Variants in CEP41 observed in about 807,000 individuals in gnomAD.
CEP41 encodes the protein centrosomal protein of 41 kDa.
CEP41 carries 32 observed loss-of-function variants against 44.3 expected under a neutral mutation model. The ratio of observed to expected loss-of-function variants is 0.72; its 90% CI spans 0.54 to 0.97. CEP41 has a LOEUF of 0.97. Ranked by LOEUF, CEP41 falls within the 50% of genes least tolerant of loss-of-function variation. The probability of loss-of-function intolerance (pLI) is 0.00; values close to 1 mark genes in which losing one functional copy is unlikely to be tolerated. For missense variants in CEP41, 432 were observed against 455.2 expected (o/e 0.95, Z 0.46); for synonymous variants, 151 against 168.5 (o/e 0.90, Z 0.80).
chr7:130,412,594 C>T (rs1797216994), intron 3 of CEP41, among the ~76,000 whole-genome samples: 1 of 152,198 alleles, frequency 6.6e-6, no homozygotes, highest in South Asian at 2.1e-4. Context: ...AAATCCTTTT[C>T]AGAGTAAAGC....
intron 1 of CEP41, among the ~76,000 whole-genome samples, chr7:130,437,746 G>A (rs1261331743): frequency 3.3e-5 from 3 of 90,896 alleles, no homozygotes; most frequent in Non-Finnish European, 6.0e-5. Flanking sequence ...CAGCCTGGGT[G>A]ACAAAGCAAG....
At chr7:130,410,739 C>T (rs1262077008) in intron 5 of CEP41, 4 of 267,928 alleles carry the variant, frequency 1.5e-5, no homozygotes, top group African/African-American at 8.8e-5. Flanking sequence ...CCACCCAACA[C>T]ACATACATGT....
chr7:130,436,615 T>C (rs529851453), intron 1 of CEP41, among the ~76,000 whole-genome samples: 39 of 150,526 alleles, frequency 2.6e-4, no homozygotes, highest in Admixed American at 2.3e-3. Flanking sequence ...GGAAAATGGG[T>C]GAAGGATACA....
At chr7:130,436,643 A>AT (rs71527964) in intron 1 of CEP41, among the ~76,000 whole-genome samples, 188 of 114,564 alleles carry the variant, frequency 1.6e-3, no homozygotes, top group African/African-American at 3.1e-3. Context: ...TCTTTGTACT[A>AT]TTTTTTTTTT....
At chr7:130,429,801 T>G (rs1250139688) in intron 1 of CEP41, among the ~76,000 whole-genome samples, 1 of 152,210 alleles carries the variant, frequency 6.6e-6, no homozygotes, top group Non-Finnish European at 1.5e-5. Flanking sequence ...CTCCATTGTT[T>G]AAACCTCAAT....
chr7:130,419,467 G>C (rs1420071635), intron 2 of CEP41: 13 of 984,364 alleles, frequency 1.3e-5, no homozygotes, highest in Non-Finnish European at 1.6e-5. Flanking sequence ...GATAGTTTCT[G>C]ACTACCTTTT....
rs1554414246 is a variant in CEP41 at position 130,395,832 on chromosome 7, A to T, written c.*3059T>A. On this transcript the variant is annotated 3_prime_UTR_variant, in exon 11 of 11. Coordinates refer to ENST00000223208, the MANE Select transcript of CEP41 (RefSeq NM_018718.3). ...ATTTGGTCTCTTTTCATTCGGATTT[A>T]TACCAAGCCCAATATGATCGTGCTG... 1 of 453,760 alleles carries T rather than the reference A, an allele frequency of 2.2e-6. No homozygotes were observed. Among genetic ancestry groups the T allele is most frequent in the South Asian group, 1.6e-5 (1 of 64,376 alleles). The allele number at this position is 453,760 out of a possible 1,614,324, so 28.1% of individuals were successfully genotyped here.
chr7:130,430,461 G>T (rs1554424844), intron 1 of CEP41, among the ~76,000 whole-genome samples: 1 of 152,198 alleles, frequency 6.6e-6, no homozygotes, highest in African/African-American at 2.4e-5. Context: ...AGGTTGGAAA[G>T]CTTGTTTCTC....
intron 1 of CEP41, among the ~76,000 whole-genome samples, chr7:130,431,575 G>C (rs1797822785): frequency 6.6e-6 from 1 of 152,122 alleles, no homozygotes; most frequent in African/African-American, 2.4e-5. Context: ...CAGGTTAAAA[G>C]AGTCAAGAAC....
At chr7:130,399,349 T>TG in intron 10 of CEP41, 1 of 404,980 alleles carries the variant, frequency 2.5e-6, no homozygotes, top group Non-Finnish European at 4.6e-6. Flanking sequence ...AGGAGTGATT[T>TG]GGGGAAAGAA....
rs781858859 is a variant in CEP41, at chr7:130,398,769, T to C, written c.*122A>G. ...TGGAGACAGGGACAGGGAAGAGGCCTATCCCATACATATGTCATGGTCTTT... is the reference window on the plus strand; with the variant it reads ...TGGAGACAGGGACAGGGAAGAGGCCCATCCCATACATATGTCATGGTCTTT... On this transcript the variant is annotated 3_prime_UTR_variant, in exon 11 of 11. Coordinates refer to ENST00000223208, the MANE Select transcript of CEP41 (RefSeq NM_018718.3). 2.6e-6 allele frequency: 3 copies of C among 1,157,154 alleles called. No individual in the cohort carries two copies. The highest frequency in any genetic ancestry group is 3.9e-6 in the Non-Finnish European group (3 of 773,426). 71.7% of individuals were successfully genotyped at this position (1,157,154 alleles called of 1,614,324 possible).
At chr7:130,399,087 G>A in intron 10 of CEP41, 48 bp from the exon 11 acceptor site, 1 of 1,606,548 alleles carries the variant, frequency 6.2e-7, no homozygotes, top group Non-Finnish European at 8.5e-7. Flanking sequence ...ATGATTCCAG[G>A]GACAATCTGC....
rs1180441406 is a variant in CEP41 at position 130,396,006 on chromosome 7, T to G, written c.*2885A>C. On this transcript the variant is annotated 3_prime_UTR_variant, in exon 11 of 11. Transcript: ENST00000223208. ...GTTCCTTTTGTTTTCAAATAAGTAATGTAGCTTTCTCCTTTCTCTCTCGCT... is the reference window on the plus strand; with the variant it reads ...GTTCCTTTTGTTTTCAAATAAGTAAGGTAGCTTTCTCCTTTCTCTCTCGCT... 2.2e-6 allele frequency: 1 copy of G among 453,950 alleles called. No individual in the cohort carries two copies. Among genetic ancestry groups the G allele is most frequent in the South Asian group, 1.6e-5 (1 of 64,470 alleles). The allele number at this position is 453,950 out of a possible 1,614,324, so 28.1% of individuals were successfully genotyped here. A position where few individuals can be genotyped will look rare whatever the true frequency, so the allele number is the denominator to read the frequency against.
intron 6 of CEP41, among the ~76,000 whole-genome samples, chr7:130,404,243 T>A (rs138366092): frequency 1.7e-4 from 26 of 152,326 alleles, no homozygotes; most frequent in Non-Finnish European, 3.7e-4. Flanking sequence ...GGAAAAATCA[T>A]ACTCTCTGAA....
chr7:130,436,066 A>C (rs889958828), intron 1 of CEP41, among the ~76,000 whole-genome samples: 2 of 152,222 alleles, frequency 1.3e-5, no homozygotes, highest in Non-Finnish European at 2.9e-5. Context: ...AGGCAGGAGA[A>C]TCACTTGAAC....
Position 130,430,729 on chromosome 7 carries a change from C to T in CEP41, c.34-2711G>A, listed in dbSNP as rs113620953. ...AATACTACATTGCAGTTATCTTGGG[C>T]TAAGGGATTTTTTTTCTGCACTCTG... On this transcript the variant is annotated intron_variant, in intron 1 of 10. Coordinates refer to ENST00000223208, the MANE Select transcript of CEP41 (RefSeq NM_018718.3). Among the ~76,000 whole-genome samples the T allele has an allele frequency of 8.1e-3, 1,228 of 152,172 alleles. 19 individuals are homozygous for T. Among genetic ancestry groups the T allele is most frequent in the African/African-American group, 0.028 (1,163 of 41,514 alleles).
chr7:130,441,001 C>T lies in CEP41; in HGVS notation c.-35G>A. The stretch of plus-strand genomic sequence containing the variant: ...AACCGACCACGTTCGGGGTTCTAGC[C>T]TCACGGGTTGCCTCTAACCCTAGCT... On this transcript the variant is annotated 5_prime_UTR_variant, in exon 1 of 11. Transcript: ENST00000223208. 1 of 1,611,180 alleles carries T rather than the reference C, an allele frequency of 6.2e-7. No homozygotes were observed. The highest frequency in any genetic ancestry group is 1.3e-5 in the African/African-American group (1 of 75,064).
intron 3 of CEP41, among the ~76,000 whole-genome samples, chr7:130,414,806 C>T (rs1797285282): frequency 6.6e-6 from 1 of 152,252 alleles, no homozygotes; most frequent in African/African-American, 2.4e-5. Flanking sequence ...TTGGAAGGCT[C>T]TGTCAGTCTG....
intron 5 of CEP41, among the ~76,000 whole-genome samples, chr7:130,404,993 A>G (rs1554417921): frequency 6.6e-6 from 1 of 152,210 alleles, no homozygotes; most frequent in African/African-American, 2.4e-5. Flanking sequence ...TAAAGCTGCT[A>G]GCACCTTAGT....
Sources: allele counts gnomAD v4.1 joint callset (sites outside exome capture counted in the v4.1 genomes callset), GRCh38; gene constraint gnomAD v4.1.1; transcripts MANE v1.5; gene names NCBI Gene and HGNC (gene_info 2026-07-23, HGNC 2026-07-21).